MTA3: variants seen among roughly 807,000 people sequenced by gnomAD.
MTA3 encodes metastasis associated 1 family member 3.
In MTA3, 34 loss-of-function variants were observed where a neutral mutation model predicts 83.5. That is an observed-to-expected ratio of 0.41 (90% confidence interval 0.31 to 0.54). MTA3 has a LOEUF of 0.54. MTA3 is among the 20% of genes least tolerant of loss of function. The probability of loss-of-function intolerance (pLI) is 0.33; values close to 1 mark genes in which losing one functional copy is unlikely to be tolerated. For missense variants in MTA3, 761 were observed against 726.4 expected, an observed-to-expected ratio of 1.05 and a Z score of -0.55; for synonymous variants, 303 against 252.7, an observed-to-expected ratio of 1.20 and a Z score of -1.89.
At chr2:42,727,007 CA>C (rs1310111171) in intron 16 of MTA3, among the ~76,000 whole-genome samples, 1 of 152,156 alleles carries the variant, frequency 6.6e-6, no homozygotes, top group East Asian at 1.9e-4. Context: ...GCCTAGGCAA[CA>C]CAGTGAGACC....
intron 2 of MTA3, among the ~76,000 whole-genome samples, chr2:42,507,905 T>C (rs952326955): frequency 6.7e-6 from 1 of 150,016 alleles, no homozygotes; most frequent in Non-Finnish European, 1.5e-5. Flanking sequence ...AAGATCTCGA[T>C]GCTGCATTCC....
At chr2:42,587,083 C>G (rs1680425888) in intron 3 of MTA3, among the ~76,000 whole-genome samples, 1 of 151,758 alleles carries the variant, frequency 6.6e-6, no homozygotes, top group South Asian at 2.1e-4. Flanking sequence ...ATCCTAGCTA[C>G]TCAGGAGGCT....
chr2:42,512,571 G>C (rs1490205744), intron 2 of MTA3, among the ~76,000 whole-genome samples: 1 of 152,210 alleles, frequency 6.6e-6, no homozygotes, highest in Non-Finnish European at 1.5e-5. Context: ...ACTAGCTTCT[G>C]TTGTGAGGGA....
chr2:42,551,230 G>T (rs1365201460), intron 2 of MTA3, among the ~76,000 whole-genome samples: 1 of 151,192 alleles, frequency 6.6e-6, no homozygotes, highest in Admixed American at 6.6e-5. Context: ...TTGCTCTGTC[G>T]CCCAGGCTGT....
intron 14 of MTA3, among the ~76,000 whole-genome samples, chr2:42,718,446 A>G (rs1454244165): frequency 6.6e-6 from 1 of 151,140 alleles, no homozygotes; most frequent in Admixed American, 6.6e-5. Context: ...GGGTTTCTCC[A>G]TGTTGGACAG....
chr2:42,734,661 A>G (rs1443018361), intron 16 of MTA3, among the ~76,000 whole-genome samples: 1 of 147,538 alleles, frequency 6.8e-6, no homozygotes, highest in Non-Finnish European at 1.5e-5. Flanking sequence ...AGTGAAATTG[A>G]TTTTCTCTGG....
At chr2:42,558,878 T>C (rs1677529462) in intron 2 of MTA3, among the ~76,000 whole-genome samples, 1 of 151,422 alleles carries the variant, frequency 6.6e-6, no homozygotes, top group African/African-American at 2.4e-5. Context: ...CTAAAACCCA[T>C]GGACTACTCC....
intron 4 of MTA3, among the ~76,000 whole-genome samples, chr2:42,614,630 A>G (rs1684629932): frequency 6.6e-6 from 1 of 151,806 alleles, no homozygotes; most frequent in Non-Finnish European, 1.5e-5. Flanking sequence ...ATTAATATAT[A>G]ACCCAGTCTT....
At chr2:42,627,650 A>G (rs1176701304) in intron 4 of MTA3, among the ~76,000 whole-genome samples, 1 of 149,280 alleles carries the variant, frequency 6.7e-6, no homozygotes, top group African/African-American at 2.5e-5. Context: ...TGCAACCTCC[A>G]CCTCAGGAGT....
chr2:42,536,858 C>CAAAAAAA (rs71410118), intron 2 of MTA3, among the ~76,000 whole-genome samples: 23 of 84,278 alleles, frequency 2.7e-4, no homozygotes, highest in African/African-American at 1.0e-3. Flanking sequence ...GACCCCATCT[C>CAAAAAAA]AAAAAAAAAA....
At chr2:42,563,824 C>CTTCT (rs1553342607), upstream of MTA3, among the ~76,000 whole-genome samples, 7 of 147,942 alleles carry the variant, frequency 4.7e-5, no homozygotes, top group Middle Eastern at 3.5e-3. Flanking sequence ...TCCTTCCTTC[C>CTTCT]TTCCTTCCTT....
At chr2:42,745,400 T>C (rs1484249830) in intron 16 of MTA3, among the ~76,000 whole-genome samples, 1 of 152,212 alleles carries the variant, frequency 6.6e-6, no homozygotes, top group Non-Finnish European at 1.5e-5. Flanking sequence ...GGACTGAACA[T>C]TCAGCAGGAA....
At chr2:42,505,092 G>A (rs1674572604) in intron 2 of MTA3, among the ~76,000 whole-genome samples, 1 of 151,938 alleles carries the variant, frequency 6.6e-6, no homozygotes, top group Admixed American at 6.6e-5. Flanking sequence ...GAAGAAATGA[G>A]GCTTTAAGAG....
chr2:42,523,652 C>G (rs902657163), intron 2 of MTA3, among the ~76,000 whole-genome samples: 1 of 152,138 alleles, frequency 6.6e-6, no homozygotes, highest in Non-Finnish European at 1.5e-5. Context: ...GTGGCGCATG[C>G]TTGTAACCCC....
intron 16 of MTA3, among the ~76,000 whole-genome samples, chr2:42,745,399 A>G (rs1669333566): frequency 6.6e-6 from 1 of 152,246 alleles, no homozygotes. Flanking sequence ...GGGACTGAAC[A>G]TTCAGCAGGA....
intron 14 of MTA3, among the ~76,000 whole-genome samples, chr2:42,716,145 T>TA (rs1244287173): frequency 6.6e-6 from 1 of 152,184 alleles, no homozygotes; most frequent in Non-Finnish European, 1.5e-5. Context: ...AAAAGCTTCA[T>TA]AGCTTAGTAA....
intron 9 of MTA3, among the ~76,000 whole-genome samples, chr2:42,689,780 T>TC (rs1444694359): frequency 1.3e-5 from 2 of 151,220 alleles, no homozygotes; most frequent in Non-Finnish European, 2.9e-5. Flanking sequence ...TGTCTTTTTT[T>TC]TTTTTTCTTT....
intron 16 of MTA3, among the ~76,000 whole-genome samples, chr2:42,724,301 C>G (rs1667651244): frequency 1.3e-5 from 2 of 148,824 alleles, no homozygotes; most frequent in South Asian, 4.3e-4. Context: ...CACACACACA[C>G]ACACACACAC....
At chr2:42,514,031 T>C (rs1483805615) in intron 2 of MTA3, among the ~76,000 whole-genome samples, 1 of 152,130 alleles carries the variant, frequency 6.6e-6, no homozygotes, top group Non-Finnish European at 1.5e-5. Context: ...CTGGCCAACA[T>C]AGTGAAACCC....
Sources: allele counts gnomAD v4.1 joint callset (sites outside exome capture counted in the v4.1 genomes callset), GRCh38; gene constraint gnomAD v4.1.1; transcripts MANE v1.5; gene names NCBI Gene and HGNC (gene_info 2026-07-23, HGNC 2026-07-21).